CHD7: variants seen among roughly 807,000 people sequenced by gnomAD.
The protein encoded by CHD7 is chromodomain helicase DNA binding protein 7, also known as ATP-dependent chromatin remodeler CHD7.
In CHD7, 24 loss-of-function variants were observed where a neutral mutation model predicts 307.3. The observed-to-expected ratio is 0.08, with a 90% confidence interval of 0.06 to 0.11. The LOEUF is 0.11. Among genes scored for constraint, CHD7 ranks in the 10% least tolerant of loss-of-function variants. The probability of loss-of-function intolerance (pLI) is 1.00; values close to 1 mark genes in which losing one functional copy is unlikely to be tolerated. For synonymous variants in CHD7, 1,363 were observed against 1,349.9 expected (o/e 1.01, Z -0.21); for missense variants, 3,106 against 3,727.1 (o/e 0.83, Z 4.34).
intron 2 of CHD7, among the ~76,000 whole-genome samples, chr8:60,758,665 A>T (rs1342134136): frequency 2.0e-5 from 3 of 152,188 alleles, no homozygotes; most frequent in African/African-American, 7.2e-5. Flanking sequence ...CTTGTCTTTC[A>T]GTTGGACTTT....
intron 1 of CHD7, among the ~76,000 whole-genome samples, chr8:60,709,134 T>C (rs2150521121): frequency 6.6e-6 from 1 of 152,354 alleles, no homozygotes; most frequent in Non-Finnish European, 1.5e-5. Context: ...GAAGGCAGCC[T>C]AGGGCTATTT....
intron 23 of CHD7, among the ~76,000 whole-genome samples, 177 bp downstream of exon 23, chr8:60,845,586 G>A (rs967688177): frequency 7.2e-5 from 11 of 152,192 alleles, no homozygotes; most frequent in South Asian, 2.1e-4. Flanking sequence ...CCATACTCCC[G>A]CGGATATGGA....
intron 6 of CHD7, among the ~76,000 whole-genome samples, chr8:60,805,271 G>T (rs1461460893): frequency 6.6e-6 from 1 of 152,244 alleles, no homozygotes; most frequent in East Asian, 1.9e-4. Flanking sequence ...AAGAAAAGAG[G>T]TCAGCATGAT....
At chr8:60,754,895 G>A (rs1053705210) in intron 2 of CHD7, among the ~76,000 whole-genome samples, 12 of 152,186 alleles carry the variant, frequency 7.9e-5, no homozygotes, top group African/African-American at 1.2e-4. Context: ...AAGTTCAGTA[G>A]TACTAAGTCT....
intron 1 of CHD7, among the ~76,000 whole-genome samples, chr8:60,739,437 A>T (rs1808879146): frequency 2.0e-5 from 3 of 152,170 alleles, no homozygotes; most frequent in African/African-American, 7.2e-5. Flanking sequence ...GGCACTGGAG[A>T]TGTCTACTTC....
At chr8:60,730,729 G>A (rs921773505) in intron 1 of CHD7, among the ~76,000 whole-genome samples, 3 of 152,022 alleles carry the variant, frequency 2.0e-5, no homozygotes, top group East Asian at 1.9e-4. Flanking sequence ...TCATAGTGGC[G>A]GGCGCCTGTA....
At chr8:60,843,522 G>C (rs1323832005) in intron 21 of CHD7, among the ~76,000 whole-genome samples, 1 of 152,222 alleles carries the variant, frequency 6.6e-6, no homozygotes, top group Non-Finnish European at 1.5e-5. Context: ...GCACTGTCTA[G>C]GATCCTCTCA....
At chr8:60,768,552 T>G (rs950133279) in intron 2 of CHD7, among the ~76,000 whole-genome samples, 1 of 152,214 alleles carries the variant, frequency 6.6e-6, no homozygotes, top group Admixed American at 6.5e-5. Flanking sequence ...GCCCTCCAAC[T>G]TGTATTAGTT....
chr8:60,861,422 G>T (rs1410665225), intron 35 of CHD7: 6 of 298,288 alleles, frequency 2.0e-5, no homozygotes, highest in Non-Finnish European at 3.1e-5. Flanking sequence ...CCATGGCATC[G>T]TTTCCAGGCA....
rs761518714 is a variant in CHD7 at position 60,852,812 on chromosome 8, GC to G, written c.6104-14del. ...TTGAATTCTCCCCAAGTAAATATGA[GC>G]CCTTCTGTGTTACAGAACCGCCCGA... On this transcript the variant is annotated splice_polypyrimidine_tract_variant and intron_variant, in intron 30 of 37. Coordinates refer to ENST00000423902, the MANE Select transcript of CHD7 (RefSeq NM_017780.4). 1.2e-6 allele frequency: 2 copies of G among 1,609,956 alleles called. No individual in the cohort carries two copies.
chr8:60,831,742 C>T (rs941249967), intron 15 of CHD7, among the ~76,000 whole-genome samples: 16 of 151,966 alleles, frequency 1.1e-4, no homozygotes, highest in African/African-American at 3.4e-4. Context: ...GACTTGTACA[C>T]GATGATAGTT....
intron 1 of CHD7, among the ~76,000 whole-genome samples, chr8:60,687,267 G>A (rs1423241875): frequency 2.6e-5 from 4 of 151,380 alleles, no homozygotes; most frequent in Non-Finnish European, 4.4e-5. Context: ...AGCATACTAA[G>A]TGAATAATAA....
intron 1 of CHD7, among the ~76,000 whole-genome samples, chr8:60,683,531 G>T (rs911646509): frequency 5.3e-5 from 8 of 152,212 alleles, no homozygotes; most frequent in Non-Finnish European, 2.9e-5. Context: ...TTGTAATGAT[G>T]TTGTCAAATA....
Position 60,862,643 on chromosome 8 carries a change from T to G in CHD7, c.8067T>G (p.Val2689=), listed in dbSNP as rs772599631. 1.6e-5 allele frequency: 25 copies of G among 1,558,114 alleles called. No individual in the cohort carries two copies. The highest frequency in any genetic ancestry group is 1.9e-5 in the Non-Finnish European group (22 of 1,149,038). ...FAVAPDWTDI[V]KQSGFVPESM... is the part of the protein sequence containing the mutation. ...TTGCTCCAGACTGGACTGATATAGTTAAGCAGTCTGTAAGTACAAACTGCA... is the reference window on the plus strand; with the variant it reads ...TTGCTCCAGACTGGACTGATATAGTGAAGCAGTCTGTAAGTACAAACTGCA... The change falls in exon 37 of 38, where the codon GTT becomes GTG. Residue 2689 remains valine, a synonymous_variant. Transcript: ENST00000423902.
At chr8:60,736,504 T>G (rs187429629) in intron 1 of CHD7, among the ~76,000 whole-genome samples, 262 of 152,278 alleles carry the variant, frequency 1.7e-3, no homozygotes, top group Non-Finnish European at 2.8e-3. Flanking sequence ...GATGTGCTGT[T>G]TTTTTAGCTG....
intron 15 of CHD7, among the ~76,000 whole-genome samples, chr8:60,834,600 A>G (rs919171954): frequency 2.0e-5 from 3 of 152,220 alleles, no homozygotes; most frequent in Non-Finnish European, 4.4e-5. Flanking sequence ...TACTTAAAGA[A>G]ACATTCTGAA....
intron 1 of CHD7, among the ~76,000 whole-genome samples, chr8:60,702,486 A>C (rs781508818): frequency 2.0e-4 from 30 of 152,272 alleles, no homozygotes; most frequent in Non-Finnish European, 4.3e-4. Flanking sequence ...AACAACTGGA[A>C]TCTATGTAGT....
intron 14 of CHD7, among the ~76,000 whole-genome samples, chr8:60,829,327 C>T (rs575412775): frequency 2.6e-5 from 4 of 152,322 alleles, no homozygotes; most frequent in African/African-American, 9.6e-5. Context: ...GGGCCAGGCG[C>T]GGTGGCTTAC....
intron 14 of CHD7, among the ~76,000 whole-genome samples, chr8:60,829,852 A>G (rs1489551107): frequency 1.3e-5 from 2 of 152,236 alleles, no homozygotes; most frequent in African/African-American, 4.8e-5. Context: ...GCCAATCAAT[A>G]GAAAAGAGAA....
Sources: allele counts gnomAD v4.1 joint callset (sites outside exome capture counted in the v4.1 genomes callset), GRCh38; gene constraint gnomAD v4.1.1; transcripts MANE v1.5; gene names NCBI Gene and HGNC (gene_info 2026-07-23, HGNC 2026-07-21).